Variants in RREB1 observed in about 807,000 individuals in gnomAD.
RREB1 encodes ras-responsive element-binding protein 1.
Under a neutral mutation model 117.8 loss-of-function variants are expected in RREB1, and 27 were observed. That is an observed-to-expected ratio of 0.23 (90% CI 0.17 to 0.32). RREB1 has a LOEUF of 0.32. Among genes scored for constraint, RREB1 ranks in the 10% least tolerant of loss-of-function variants. The pLI is 1.00. For synonymous variants in RREB1, 1,298 were observed against 1,026.7 expected, an observed-to-expected ratio of 1.26 and a Z score of -5.05; for missense variants, 2,577 against 2,378.2, an observed-to-expected ratio of 1.08 and a Z score of -1.74.
intron 1 of RREB1, among the ~76,000 whole-genome samples, chr6:7,131,379 A>G (rs1403579097): frequency 6.6e-6 from 1 of 152,148 alleles, no homozygotes; most frequent in Non-Finnish European, 1.5e-5. Flanking sequence ...TGGGGAGGTT[A>G]CCCTAATCTT....
At chr6:7,184,803 A>G (rs1379824490) in intron 4 of RREB1, 1 of 149,598 alleles carries the variant, frequency 6.7e-6, no homozygotes, top group East Asian at 1.9e-4. Context: ...GTGGCTGGTC[A>G]CTTGGAGGCC....
At chr6:7,110,913 C>T (rs1022585887) in intron 1 of RREB1, among the ~76,000 whole-genome samples, 3 of 152,244 alleles carry the variant, frequency 2.0e-5, no homozygotes, top group African/African-American at 7.2e-5. Context: ...AAATCAGACT[C>T]TAAGCCCTTA....
At chr6:7,232,819 G>A (rs990919354) in intron 10 of RREB1, among the ~76,000 whole-genome samples, 7 of 141,864 alleles carry the variant, frequency 4.9e-5, no homozygotes, top group African/African-American at 1.9e-4. Context: ...TCAAACTTCT[G>A]GGCTCAAGCA....
rs1025873871 is a variant in RREB1, at chr6:7,231,734, C to T, written c.3635C>T (p.Pro1212Leu). The T allele has an allele frequency of 6.2e-7, 1 of 1,613,886 alleles. No homozygotes were observed. The change falls in exon 10 of 13, where the codon CCT (proline) becomes CTT (leucine). Residue 1212 changes from proline to leucine, a missense_variant. Physicochemically the swap from Pro to Leu is moderately conservative, Grantham distance 98. Coordinates refer to ENST00000379938, the MANE Select transcript of RREB1 (RefSeq NM_001003699.4). ...DNTQDEVAGAPADHHGPSDEE... is the reference protein window; with the variant it reads ...DNTQDEVAGALADHHGPSDEE... ...ACTCAGGATGAGGTGGCCGGAGCCC[C>T]TGCCGACCACCATGGGCCCAGTGAT...
At chr6:7,113,773 T>C (rs894643823) in intron 1 of RREB1, among the ~76,000 whole-genome samples, 3 of 152,194 alleles carry the variant, frequency 2.0e-5, no homozygotes, top group Admixed American at 2.0e-4. Context: ...ATAAACCTAA[T>C]TGAGTTTGAA....
At chr6:7,212,593 T>C (rs1561783956) in intron 8 of RREB1, 1 of 152,190 alleles carries the variant, frequency 6.6e-6, no homozygotes, top group Non-Finnish European at 1.5e-5. Flanking sequence ...GACTTGAAAG[T>C]AGCCCATCCT....
intron 1 of RREB1, among the ~76,000 whole-genome samples, chr6:7,157,305 G>A (rs1332740040): frequency 1.3e-5 from 2 of 151,968 alleles, no homozygotes; most frequent in South Asian, 2.1e-4. Context: ...GTGGTGGGGC[G>A]TGCCTGTAGT....
At chr6:7,157,433 CA>C (rs57996771) in intron 1 of RREB1, among the ~76,000 whole-genome samples, 19,072 of 137,242 alleles carry the variant, frequency 0.14, 1,323 homozygotes, top group African/African-American at 0.18. Flanking sequence ...GACTCCATCT[CA>C]AAAAAAAAAA....
chr6:7,240,974 A>G (rs1028410929), intron 11 of RREB1, among the ~76,000 whole-genome samples: 2 of 152,094 alleles, frequency 1.3e-5, no homozygotes, highest in African/African-American at 2.4e-5. Flanking sequence ...GGGATGTGAA[A>G]CCTAAAGGTT....
intron 1 of RREB1, among the ~76,000 whole-genome samples, chr6:7,117,114 T>C (rs773754952): frequency 1.3e-5 from 2 of 152,354 alleles, no homozygotes; most frequent in Non-Finnish European, 2.9e-5. Context: ...TCTTGCTTTA[T>C]GTGTTTGTAT....
chr6:7,210,571 C>A (rs778762238), intron 6 of RREB1, among the ~76,000 whole-genome samples: 18 of 152,146 alleles, frequency 1.2e-4, no homozygotes, highest in Non-Finnish European at 2.4e-4. Context: ...TGAATGTCTT[C>A]CAGTGAACAG....
In RREB1 at chr6:7,250,831, T is replaced by C. The variant is rs1769377211; in HGVS notation, c.*1863T>C. 6.6e-6 allele frequency: 1 copy of C among 152,138 alleles called. No homozygotes were observed. The highest frequency in any genetic ancestry group is 1.5e-5 in the Non-Finnish European group (1 of 68,036). 9.4% of individuals were successfully genotyped at this position (152,138 alleles called of 1,614,324 possible). The stretch of plus-strand genomic sequence containing the variant: ...AAAGGAAAAAAGGTTGAGGTATATA[T>C]GATTTTTAACTGTATTAGGGGTGTA... On this transcript the variant is annotated 3_prime_UTR_variant, in exon 13 of 13. Coordinates refer to ENST00000379938, the MANE Select transcript of RREB1 (RefSeq NM_001003699.4).
chr6:7,144,176 GC>G (rs1296095058), intron 1 of RREB1, among the ~76,000 whole-genome samples: 1 of 151,286 alleles, frequency 6.6e-6, no homozygotes, highest in Non-Finnish European at 1.5e-5. Flanking sequence ...TTCTTTTTGA[GC>G]TTTATGCACA....
At chr6:7,208,910 G>A (rs932424658) in intron 6 of RREB1, among the ~76,000 whole-genome samples, 4 of 152,146 alleles carry the variant, frequency 2.6e-5, no homozygotes, top group African/African-American at 4.8e-5. Flanking sequence ...TGGGTTTGGG[G>A]GAAGAGCATG....
At chr6:7,185,038 T>G (rs1052701750) in intron 4 of RREB1, 11 of 152,118 alleles carry the variant, frequency 7.2e-5, no homozygotes, top group African/African-American at 2.7e-4. Flanking sequence ...CATGCCCCCA[T>G]GGGGGTCCTT....
At position 7,247,035 on chromosome 6, in the gene RREB1, C is replaced by T. The variant is rs201769527; in HGVS notation, c.4585C>T (p.Pro1529Ser). Residue 1529 changes from proline to serine, a missense_variant, in exon 12 of 13, where the codon CCC (proline) becomes TCC (serine). By Grantham distance (74) the Pro-to-Ser change is moderately conservative (BLOSUM62 -1). Coordinates refer to ENST00000379938, the MANE Select transcript of RREB1 (RefSeq NM_001003699.4). ...AAAGCTCGCGGAGGAGACGGAGGGC[C>T]CCTCCGACGGGGAGAGCGCGGCCGA... The part of the protein sequence containing the change: ...AEKLAEETEG[P>S]SDGESAAEKR... 16 of 1,612,414 alleles carry T rather than the reference C, an allele frequency of 9.9e-6. No homozygotes were observed. The Admixed American group carries it at 1.5e-4, about 15-fold the overall frequency.
intron 6 of RREB1, among the ~76,000 whole-genome samples, chr6:7,201,325 G>A (rs77763747): frequency 9.5e-4 from 144 of 152,240 alleles, no homozygotes; most frequent in African/African-American, 3.0e-3. Context: ...CATTTCCACC[G>A]TAGCACTTCA....
chr6:7,238,279 C>T (rs1768470591), intron 10 of RREB1, among the ~76,000 whole-genome samples: 1 of 152,034 alleles, frequency 6.6e-6, no homozygotes, highest in African/African-American at 2.4e-5. Context: ...TGTCTGTCGC[C>T]CAGGCTAGAG....
At chr6:7,198,501 T>C (rs1483000277) in intron 6 of RREB1, among the ~76,000 whole-genome samples, 1 of 152,150 alleles carries the variant, frequency 6.6e-6, no homozygotes, top group Non-Finnish European at 1.5e-5. Context: ...CACATTTAAC[T>C]CCACTTAGAA....
Sources: gnomAD v4.1 joint callset for allele counts (sites outside exome capture counted in the v4.1 genomes callset) on GRCh38, gnomAD v4.1.1 for gene constraint, MANE v1.5 for transcripts, NCBI Gene and HGNC (gene_info 2026-07-23, HGNC 2026-07-21) for gene names.